KIAA0232: variants seen among roughly 807,000 people sequenced by gnomAD.
The protein encoded by KIAA0232 is uncharacterized protein KIAA0232.
A neutral mutation model predicts 122.0 loss-of-function variants in KIAA0232; 27 were observed. The observed-to-expected ratio is 0.22, with a 90% confidence interval of 0.16 to 0.31. The LOEUF is 0.31. KIAA0232 is among the 10% of genes least tolerant of loss of function. KIAA0232 has a pLI of 1.00. For missense variants in KIAA0232, 1,551 were observed against 1,634.2 expected (o/e 0.95, Z 0.88); for synonymous variants, 613 against 587.6 (o/e 1.04, Z -0.63).
chr4:6,812,983 ATTAAC>A (rs1269362582), intron 2 of KIAA0232, among the ~76,000 whole-genome samples: 2 of 152,210 alleles, frequency 1.3e-5, no homozygotes, highest in Non-Finnish European at 2.9e-5. Flanking sequence ...TAATATTTAA[ATTAAC>A]TTGGCCACAT....
intron 2 of KIAA0232, among the ~76,000 whole-genome samples, chr4:6,805,473 CTA>C (rs1717574718): frequency 6.6e-6 from 1 of 152,104 alleles, no homozygotes; most frequent in Non-Finnish European, 1.5e-5. Flanking sequence ...TTTTGGAGAA[CTA>C]TAATTTGTAT....
rs375341830 is a variant in KIAA0232 at position 6,862,101 on chromosome 4, C to T, written c.1719C>T (p.Ser573=). Residue 573 remains serine (S), a synonymous_variant, in exon 7 of 10, where the codon TCC becomes TCT. Transcript: ENST00000307659. ...CAATATGGACAGATTCTACCAGCTCCGTAGGTGCTGAGGGCTTATTCCTGC... is the reference window on the plus strand; with the variant it reads ...CAATATGGACAGATTCTACCAGCTCTGTAGGTGCTGAGGGCTTATTCCTGC... ...ERAIWTDSTS[S]VGAEGLFLQD... is the part of the protein sequence containing the mutation. The T allele has an allele frequency of 5.5e-4, 884 of 1,614,158 alleles. 2 individuals carry two copies. The highest frequency in any genetic ancestry group is 4.0e-3 in the Middle Eastern group (24 of 6,062).
intron 2 of KIAA0232, among the ~76,000 whole-genome samples, chr4:6,811,928 T>C (rs938991571): frequency 6.6e-6 from 1 of 152,128 alleles, no homozygotes; most frequent in Non-Finnish European, 1.5e-5. Context: ...TTAGTTGTTC[T>C]TGTTATTCCA....
intron 4 of KIAA0232, among the ~76,000 whole-genome samples, chr4:6,850,249 C>G (rs1398475506): frequency 6.6e-6 from 1 of 152,092 alleles, no homozygotes; most frequent in Non-Finnish European, 1.5e-5. Context: ...CCCTGTGTGC[C>G]CACTGAAGTT....
intron 8 of KIAA0232, among the ~76,000 whole-genome samples, chr4:6,873,519 A>G (rs915801907): frequency 2.0e-5 from 3 of 152,198 alleles, no homozygotes; most frequent in African/African-American, 7.2e-5. Flanking sequence ...TGTGGAAAAG[A>G]ACCAATTCCT....
chr4:6,805,014 A>G (rs1035893665), intron 2 of KIAA0232, among the ~76,000 whole-genome samples: 2 of 152,190 alleles, frequency 1.3e-5, no homozygotes, highest in Non-Finnish European at 2.9e-5. Flanking sequence ...TCCTGCAATA[A>G]ACCTGCTCTT....
intron 3 of KIAA0232, among the ~76,000 whole-genome samples, chr4:6,826,932 C>G (rs577760177): frequency 6.6e-6 from 1 of 152,040 alleles, no homozygotes; most frequent in Non-Finnish European, 1.5e-5. Flanking sequence ...TTTACTAACT[C>G]TAGGGGGTTG....
chr4:6,788,971 T>C (rs1716756256), intron 1 of KIAA0232, among the ~76,000 whole-genome samples: 1 of 151,698 alleles, frequency 6.6e-6, no homozygotes, highest in Non-Finnish European at 1.5e-5. Flanking sequence ...TTCTTTCTTT[T>C]TTTTTTATTT....
intron 4 of KIAA0232, among the ~76,000 whole-genome samples, chr4:6,846,398 A>G (rs920334386): frequency 1.3e-5 from 2 of 152,142 alleles, no homozygotes; most frequent in African/African-American, 4.8e-5. Flanking sequence ...AGCAAGCTTT[A>G]CCGCCTGAGC....
intron 1 of KIAA0232, among the ~76,000 whole-genome samples, chr4:6,797,698 C>G (rs1424723429): frequency 6.6e-6 from 1 of 150,502 alleles, no homozygotes; most frequent in Non-Finnish European, 1.5e-5. Flanking sequence ...CCCAGGAATT[C>G]CAGGCTGCAG....
At chr4:6,841,054 T>C (rs532506372) in intron 3 of KIAA0232, among the ~76,000 whole-genome samples, 59 of 152,344 alleles carry the variant, frequency 3.9e-4, no homozygotes, top group African/African-American at 1.2e-3. Flanking sequence ...GTGTGTGATA[T>C]ATACTGTTGT....
At chr4:6,867,594 T>C (rs1721253794) in intron 7 of KIAA0232, among the ~76,000 whole-genome samples, 1 of 152,192 alleles carries the variant, frequency 6.6e-6, no homozygotes, top group East Asian at 1.9e-4. Flanking sequence ...ACTTGCTGTC[T>C]TCAGGGAATT....
intron 3 of KIAA0232, among the ~76,000 whole-genome samples, chr4:6,827,388 G>C: frequency 6.6e-6 from 1 of 152,328 alleles, no homozygotes; most frequent in South Asian, 2.1e-4. Flanking sequence ...CTTAGCTTCT[G>C]TCATCAGAAC....
chr4:6,792,625 C>A (rs77166807), intron 1 of KIAA0232, among the ~76,000 whole-genome samples: 13,215 of 151,014 alleles, frequency 0.088, 920 homozygotes, highest in East Asian at 0.26. Flanking sequence ...GTAATTGCAT[C>A]ATACAGGGCC....
intron 3 of KIAA0232, among the ~76,000 whole-genome samples, chr4:6,829,255 G>A (rs763529632): frequency 1.3e-5 from 2 of 152,190 alleles, no homozygotes; most frequent in South Asian, 2.1e-4. Flanking sequence ...GGCCAGTGAC[G>A]ACAGTCTTTA....
In KIAA0232 at chr4:6,843,543, C is replaced by T. The variant is rs143235366; in HGVS notation, c.369+1339C>T. Among the ~76,000 whole-genome samples, 14 of 152,280 alleles carry T rather than the reference C, an allele frequency of 9.2e-5. No homozygotes were observed. In the East Asian group the frequency reaches 2.7e-3, roughly 29 times the overall value. ...CAGGACTTTGGGAGGCCAAGGCGGG[C>T]AGATCACCTGAGGTCAGGAGTTCGA... On this transcript the variant is annotated intron_variant, in intron 4 of 9. Transcript: ENST00000307659.
Position 6,815,800 on chromosome 4 carries a change from G to T in KIAA0232, c.-269-8385G>T, listed in dbSNP as rs144023830. Among the ~76,000 whole-genome samples, 25 of 152,282 alleles carry T rather than the reference G, an allele frequency of 1.6e-4. No individual in the cohort carries two copies. The East Asian group carries it at 4.8e-3, about 29-fold the overall frequency. On this transcript the variant is annotated intron_variant, in intron 2 of 9. Coordinates refer to ENST00000307659, the MANE Select transcript of KIAA0232 (RefSeq NM_014743.3). ...CATGCAATCAGATTTTGGACAAGTT[G>T]TAAGAACGGTTCTCTTAAGGATAAT...
chr4:6,851,828 C>T (rs1720303641), intron 4 of KIAA0232, among the ~76,000 whole-genome samples: 2 of 151,348 alleles, frequency 1.3e-5, no homozygotes, highest in South Asian at 4.2e-4. Flanking sequence ...GTATTTTCCT[C>T]TTTTTGTAAA....
At chr4:6,830,744 C>T (rs1387744281) in intron 3 of KIAA0232, among the ~76,000 whole-genome samples, 2 of 152,022 alleles carry the variant, frequency 1.3e-5, no homozygotes, top group African/African-American at 2.4e-5. Context: ...CTACCCTGCC[C>T]GCTGTAAGCT....
Sources: allele counts gnomAD v4.1 joint callset (sites outside exome capture counted in the v4.1 genomes callset), GRCh38; gene constraint gnomAD v4.1.1; transcripts MANE v1.5; gene names NCBI Gene and HGNC (gene_info 2026-07-23, HGNC 2026-07-21).